Variants in SHCBP1 observed in about 807,000 individuals in gnomAD.
SHCBP1 encodes SHC SH2 domain-binding protein 1.
In SHCBP1, 60 loss-of-function variants were observed where a neutral mutation model predicts 75.1. The ratio of observed to expected loss-of-function variants is 0.80; its 90% CI spans 0.65 to 0.99. The LOEUF is 0.99. Ranked by LOEUF, SHCBP1 falls within the 50% of genes least tolerant of loss-of-function variation. The pLI, the probability that SHCBP1 is intolerant of heterozygous loss-of-function variation, is 0.00. For missense variants in SHCBP1, 709 were observed against 809.4 expected (o/e 0.88, Z 1.50); for synonymous variants, 290 against 293.2 (o/e 0.99, Z 0.11).
intron 4 of SHCBP1, among the ~76,000 whole-genome samples, chr16:46,613,089 G>C (rs2143001753): frequency 6.6e-6 from 1 of 152,286 alleles, no homozygotes; most frequent in East Asian, 1.9e-4. Flanking sequence ...GGACTGAGGT[G>C]GGAGGACTGC....
Position 46,604,455 on chromosome 16 carries a change from A to G in SHCBP1, c.696T>C (p.Tyr232=), listed in dbSNP as rs1237994695. 1.2e-6 allele frequency: 2 copies of G among 1,606,436 alleles called. No individual in the cohort carries two copies. Among genetic ancestry groups the G allele is most frequent in the East Asian group, 4.5e-5 (2 of 44,756 alleles). ...ATGGAACTCGGTCTTCAAGAATGTC[A>G]TAATGCCTGAAAGTTTAAAAGCAAA... ...RCVEPRLRLH[Y]DILEDRVPSG... is the part of the protein sequence containing the mutation. The change falls in exon 6 of 13, where the codon TAT becomes TAC. Residue 232 remains tyrosine, a synonymous_variant. Coordinates refer to ENST00000303383, the MANE Select transcript of SHCBP1 (RefSeq NM_024745.5).
chr16:46,620,657 G>A (rs1596694216), intron 1 of SHCBP1: 5 of 151,818 alleles, frequency 3.3e-5, no homozygotes, highest in Admixed American at 1.3e-4. Context: ...CAATACAACC[G>A]AAAGTGTTAA....
intron 8 of SHCBP1, among the ~76,000 whole-genome samples, chr16:46,600,196 A>T (rs928985543): frequency 6.6e-6 from 1 of 152,170 alleles, no homozygotes; most frequent in African/African-American, 2.4e-5. Flanking sequence ...AGACTACCCT[A>T]TCAACTATCC....
At chr16:46,620,731 G>C (rs1452284508) in intron 1 of SHCBP1, 1 of 152,622 alleles carries the variant, frequency 6.6e-6, no homozygotes, top group Non-Finnish European at 1.5e-5. Context: ...TCTATGAGGA[G>C]GAAGAAAGGG....
chr16:46,601,851 A>G (rs1965242031), intron 8 of SHCBP1, among the ~76,000 whole-genome samples: 1 of 152,220 alleles, frequency 6.6e-6, no homozygotes, highest in Non-Finnish European at 1.5e-5. Flanking sequence ...TACCTAAATG[A>G]ATGGATTTTC....
chr16:46,581,608 A>G lies in SHCBP1; in HGVS notation c.*121T>C. On this transcript the variant is annotated 3_prime_UTR_variant, in exon 13 of 13. Coordinates refer to ENST00000303383, the MANE Select transcript of SHCBP1 (RefSeq NM_024745.5). ...GCAAATGGAAATAAATCTACCTTTC[A>G]CTCAAGCCCAAATAATCAAATATAA... The G allele has an allele frequency of 1.1e-6, 1 of 910,208 alleles. No homozygotes were observed. 56.4% of individuals were successfully genotyped at this position (910,208 alleles called of 1,614,324 possible).
rs201168675 is a variant in SHCBP1 at position 46,618,211 on chromosome 16, T to C, written c.265A>G (p.Ile89Val). The change falls in exon 2 of 13, where the codon ATT becomes GTT. Residue 89 changes from isoleucine (I) to valine (V), a missense_variant. By Grantham distance (29) the Ile-to-Val change is conservative. Coordinates refer to ENST00000303383, the MANE Select transcript of SHCBP1 (RefSeq NM_024745.5). ...AAGCAAAAAACCTACTCACCTAAAATGTAATCTTGATAGGCTCTGAATCGC... is the reference window on the plus strand; with the variant it reads ...AAGCAAAAAACCTACTCACCTAAAACGTAATCTTGATAGGCTCTGAATCGC... ...YERFRAYQDY[I>V]LADCKASEVQ... 65 of 1,583,914 alleles carry C rather than the reference T, an allele frequency of 4.1e-5. No individual in the cohort carries two copies. In the Admixed American group the frequency reaches 4.5e-4, roughly 11 times the overall value.
intron 10 of SHCBP1, among the ~76,000 whole-genome samples, chr16:46,589,598 T>C (rs966539036): frequency 2.0e-5 from 3 of 152,022 alleles, no homozygotes; most frequent in East Asian, 1.9e-4. Flanking sequence ...AATAAAATAC[T>C]TAGGAATCCA....
At chr16:46,584,685 TC>T (rs1416550386) in intron 10 of SHCBP1, among the ~76,000 whole-genome samples, 2 of 152,082 alleles carry the variant, frequency 1.3e-5, no homozygotes, top group Non-Finnish European at 2.9e-5. Flanking sequence ...ACCAGAAAGA[TC>T]AAACATGACA....
intron 10 of SHCBP1, among the ~76,000 whole-genome samples, chr16:46,590,938 C>T (rs1426919049): frequency 6.6e-6 from 1 of 152,124 alleles, no homozygotes; most frequent in Non-Finnish European, 1.5e-5. Flanking sequence ...CAAAAATAGA[C>T]TGGATTAAGA....
intron 8 of SHCBP1, among the ~76,000 whole-genome samples, chr16:46,601,879 C>A (rs1329570271): frequency 1.3e-5 from 2 of 152,080 alleles, no homozygotes; most frequent in East Asian, 3.8e-4. Context: ...GAAAGAAAAA[C>A]CCTATTGTAA....
intron 10 of SHCBP1, among the ~76,000 whole-genome samples, chr16:46,594,034 A>C (rs1204012838): frequency 6.6e-6 from 1 of 152,242 alleles, no homozygotes. Flanking sequence ...GGATGGCTAC[A>C]CAGATTAGTG....
chr16:46,601,957 A>T (rs1965245129), intron 8 of SHCBP1, among the ~76,000 whole-genome samples: 1 of 152,190 alleles, frequency 6.6e-6, no homozygotes, highest in Non-Finnish European at 1.5e-5. Context: ...TTAGCTATAG[A>T]TCACTATCAG....
rs1448842558 is a variant in SHCBP1, at chr16:46,604,046, C to A, written c.1021G>T (p.Ala341Ser). 6.2e-7 allele frequency: 1 copy of A among 1,614,198 alleles called. No homozygotes were observed. Among genetic ancestry groups the A allele is most frequent in the Non-Finnish European group, 8.5e-7 (1 of 1,180,026 alleles). ...GTAAGCAGGGACCGCAGGAGACCAGCCATCATGGTGGAGGAGACCACATGA... is the reference window on the plus strand; with the variant it reads ...GTAAGCAGGGACCGCAGGAGACCAGACATCATGGTGGAGGAGACCACATGA... The part of the protein sequence containing the change: ...ITHVVSSTMM[A>S]GLLRSLLTDR... Residue 341 changes from alanine to serine, a missense_variant, in exon 7 of 13, where the codon GCT (alanine) becomes TCT (serine). Coordinates refer to ENST00000303383, the MANE Select transcript of SHCBP1 (RefSeq NM_024745.5).
Position 46,599,886 on chromosome 16 carries a change from A to G in SHCBP1, c.1290T>C (p.Asp430=), listed in dbSNP as rs1216339965. 6.2e-7 allele frequency: 1 copy of G among 1,612,866 alleles called. No homozygotes were observed. The highest frequency in any genetic ancestry group is 8.5e-7 in the Non-Finnish European group (1 of 1,179,650). The stretch of plus-strand genomic sequence containing the variant: ...CAAATTTTATGCCTGAGATTTTAAT[A>G]TCAGCACCAGTGCAGTCCACAAAAG... ...GDTFVDCTGA[D]IKISGIKFVQ... Residue 430 remains aspartate (D), a synonymous_variant, in exon 9 of 13, where the codon GAT becomes GAC. Coordinates refer to ENST00000303383, the MANE Select transcript of SHCBP1 (RefSeq NM_024745.5).
intron 4 of SHCBP1, among the ~76,000 whole-genome samples, chr16:46,610,994 G>A (rs779353215): frequency 1.7e-4 from 26 of 152,198 alleles, no homozygotes; most frequent in Non-Finnish European, 5.9e-5. Flanking sequence ...AGGAAGAGCA[G>A]AGCCTCATTC....
chr16:46,611,530 A>G (rs1380489668), intron 4 of SHCBP1, among the ~76,000 whole-genome samples: 1 of 152,204 alleles, frequency 6.6e-6, no homozygotes, highest in African/African-American at 2.4e-5. Flanking sequence ...GTCAATAATT[A>G]TCTTGTTTGC....
intron 4 of SHCBP1, among the ~76,000 whole-genome samples, chr16:46,609,143 T>G (rs1209743164): frequency 6.6e-6 from 1 of 152,100 alleles, no homozygotes; most frequent in Non-Finnish European, 1.5e-5. Context: ...CATAAGGCAG[T>G]GGTTCTCAAC....
At chr16:46,617,944 G>A (rs564357612) in intron 2 of SHCBP1, among the ~76,000 whole-genome samples, 195 bp from the exon 3 acceptor site, 5 of 152,308 alleles carry the variant, frequency 3.3e-5, no homozygotes, top group East Asian at 3.9e-4. Context: ...TTGGGAGGCC[G>A]AGGCAGGGGG....
Sources: allele counts gnomAD v4.1 joint callset (sites outside exome capture counted in the v4.1 genomes callset), GRCh38; gene constraint gnomAD v4.1.1; transcripts MANE v1.5; gene names NCBI Gene and HGNC (gene_info 2026-07-23, HGNC 2026-07-21).